Variants in CDH13 observed in about 807,000 individuals in gnomAD.
The protein encoded by CDH13 is cadherin-13.
In CDH13, 24 loss-of-function variants were observed where a neutral mutation model predicts 63.8. The ratio of observed to expected loss-of-function variants is 0.38; its 90% confidence interval spans 0.27 to 0.53. The LOEUF (loss-of-function observed/expected upper bound fraction) is 0.53, where lower values mean the gene tolerates loss of function less well. Among genes scored for constraint, CDH13 ranks in the 20% least tolerant of loss-of-function variants. The probability of loss-of-function intolerance (pLI) is 0.85; values close to 1 mark genes in which losing one functional copy is unlikely to be tolerated. For synonymous variants in CDH13, 503 were observed against 355.3 expected (o/e 1.42, Z -4.67); for missense variants, 1,049 against 903.1 (o/e 1.16, Z -2.07).
At chr16:83,391,814 TG>T in intron 6 of CDH13, among the ~76,000 whole-genome samples, 1 of 152,338 alleles carries the variant, frequency 6.6e-6, no homozygotes, top group South Asian at 2.1e-4. Flanking sequence ...TCACCTCTTT[TG>T]ACACAGGGTC....
At chr16:82,692,162 G>T (rs571872990) in intron 1 of CDH13, among the ~76,000 whole-genome samples, 9 of 152,348 alleles carry the variant, frequency 5.9e-5, no homozygotes, top group African/African-American at 1.9e-4. Context: ...ATGCTTAGGA[G>T]TGTAAGCTGC....
intron 6 of CDH13, among the ~76,000 whole-genome samples, chr16:83,396,290 C>T (rs2091885680): frequency 6.6e-6 from 1 of 152,144 alleles, no homozygotes; most frequent in Non-Finnish European, 1.5e-5. Context: ...AATCCATTCT[C>T]TACCTCGTAG....
intron 1 of CDH13, among the ~76,000 whole-genome samples, chr16:82,739,262 A>G (rs2033824912): frequency 1.3e-5 from 2 of 152,302 alleles, no homozygotes; most frequent in South Asian, 2.1e-4. Context: ...ATATGCCCTT[A>G]TGTGTGATTT....
chr16:83,536,607 G>A (rs1303798149), intron 7 of CDH13, among the ~76,000 whole-genome samples: 2 of 152,110 alleles, frequency 1.3e-5, no homozygotes, highest in Non-Finnish European at 2.9e-5. Context: ...ATGGAAATGG[G>A]AAATCCTTAA....
intron 3 of CDH13, among the ~76,000 whole-genome samples, chr16:83,048,196 G>T (rs1188757571): frequency 6.6e-6 from 1 of 152,068 alleles, no homozygotes; most frequent in Non-Finnish European, 1.5e-5. Context: ...AACACAAGTT[G>T]GTTACTTTGA....
intron 6 of CDH13, among the ~76,000 whole-genome samples, chr16:83,364,884 G>A (rs191866816): frequency 1.3e-5 from 2 of 152,228 alleles, no homozygotes; most frequent in East Asian, 1.9e-4. Flanking sequence ...ACAGGGAGGG[G>A]AACATCACAC....
chr16:82,742,751 A>C (rs2033989595), intron 1 of CDH13, among the ~76,000 whole-genome samples: 3 of 152,214 alleles, frequency 2.0e-5, no homozygotes, highest in Admixed American at 6.5e-5. Flanking sequence ...CCCAGCAGAA[A>C]AGTAATTTAA....
At position 83,643,296 on chromosome 16, in the gene CDH13, A is replaced by AGAAAG. The variant is rs1239265802; in HGVS notation, c.1102-27494_1102-27493insGAAAG. Among the ~76,000 whole-genome samples the AGAAAG allele has an allele frequency of 1.5e-4, 12 of 77,672 alleles. 2 individuals are homozygous for AGAAAG. The highest frequency in any genetic ancestry group is 7.3e-4 in the Admixed American group (5 of 6,858). The allele number at this position is 77,672 out of a possible 152,430, so 51.0% of individuals were successfully genotyped here. ...CTTAGAGTATAATAAAAAAAAAAAA[A>AGAAAG]AAAAAGAAAAAAAAAATTTAACAGA... is the stretch of plus-strand genomic sequence containing the variant. On this transcript the variant is annotated intron_variant, in intron 8 of 13. Transcript: ENST00000567109.
At chr16:83,486,456 C>A (rs757637635) in intron 6 of CDH13, 21 bp from the exon 7 acceptor site, 12 of 1,604,024 alleles carry the variant, frequency 7.5e-6, no homozygotes, top group Non-Finnish European at 1.0e-5. Flanking sequence ...CATTCCGTGC[C>A]TTTCTGTCTT....
At chr16:83,704,045 G>A (rs1906644108) in intron 10 of CDH13, among the ~76,000 whole-genome samples, 1 of 152,176 alleles carries the variant, frequency 6.6e-6, no homozygotes, top group African/African-American at 2.4e-5. Flanking sequence ...TCTAGAAAAT[G>A]ACAAGAACCC....
intron 1 of CDH13, among the ~76,000 whole-genome samples, chr16:82,834,148 C>G (rs1442629621): frequency 6.6e-6 from 1 of 152,182 alleles, no homozygotes; most frequent in Non-Finnish European, 1.5e-5. Flanking sequence ...TCTTGATGCA[C>G]TAAAGGCAAA....
intron 10 of CDH13, among the ~76,000 whole-genome samples, chr16:83,734,471 C>G (rs1911338274): frequency 6.6e-6 from 1 of 151,792 alleles, no homozygotes; most frequent in African/African-American, 2.4e-5. Flanking sequence ...TCTCAGTAAA[C>G]TATCGCAAGG....
chr16:83,349,846 C>T (rs982870493), intron 6 of CDH13, among the ~76,000 whole-genome samples: 1 of 152,062 alleles, frequency 6.6e-6, no homozygotes, highest in Non-Finnish European at 1.5e-5. Flanking sequence ...GGTTATCCGC[C>T]CACCTTGGCC....
At chr16:83,690,771 G>A (rs1376783597) in intron 10 of CDH13, among the ~76,000 whole-genome samples, 1 of 152,084 alleles carries the variant, frequency 6.6e-6, no homozygotes, top group Non-Finnish European at 1.5e-5. Flanking sequence ...TTTCTGGCTG[G>A]AGTACAGTGC....
rs963707226 is a variant in CDH13 at position 83,732,060 on chromosome 16, A to T, written c.1539-16048A>T. Among the ~76,000 whole-genome samples, 18 of 152,216 alleles carry T rather than the reference A, an allele frequency of 1.2e-4. 1 individual carries two copies. The highest frequency in any genetic ancestry group is 4.3e-4 in the African/African-American group (18 of 41,448). ...TTTATTTATTCAAAAAATATTGAAA[A>T]ATTCACACTGTGAGCCGGGTCCTAA... On this transcript the variant is annotated intron_variant, in intron 10 of 13. Coordinates refer to ENST00000567109, the MANE Select transcript of CDH13 (RefSeq NM_001257.5).
At chr16:82,814,614 T>A (rs908480037) in intron 1 of CDH13, among the ~76,000 whole-genome samples, 2 of 152,228 alleles carry the variant, frequency 1.3e-5, no homozygotes, top group African/African-American at 4.8e-5. Context: ...CCTTTCCCTA[T>A]GCATCTCTTG....
intron 7 of CDH13, among the ~76,000 whole-genome samples, chr16:83,565,425 C>G (rs1386275089): frequency 7.4e-6 from 1 of 134,430 alleles, no homozygotes; most frequent in Non-Finnish European, 1.5e-5. Flanking sequence ...TTCGGAAGGA[C>G]TGATTACCGA....
intron 6 of CDH13, among the ~76,000 whole-genome samples, chr16:83,412,948 G>A (rs114013689): frequency 9.2e-5 from 14 of 152,248 alleles, no homozygotes; most frequent in African/African-American, 2.6e-4. Context: ...ACCATTAGAC[G>A]TAATTGGGTG....
chr16:83,693,949 G>C (rs540938952), intron 10 of CDH13, among the ~76,000 whole-genome samples: 1 of 152,302 alleles, frequency 6.6e-6, no homozygotes, highest in African/African-American at 2.4e-5. Context: ...AATCAGAGGA[G>C]ACTGTTCCTG....
Sources: allele counts gnomAD v4.1 joint callset (sites outside exome capture counted in the v4.1 genomes callset), GRCh38; gene constraint gnomAD v4.1.1; transcripts MANE v1.5; gene names NCBI Gene and HGNC (gene_info 2026-07-23, HGNC 2026-07-21).